The following NRXN3 variants were observed in gnomAD, a reference collection of about 807,000 sequenced individuals.
NRXN3 encodes neurexin III.
In NRXN3, 32 loss-of-function variants were observed where a neutral mutation model predicts 137.6. That is an observed-to-expected ratio of 0.23 (90% CI 0.18 to 0.31). The LOEUF (loss-of-function observed/expected upper bound fraction) is 0.31. NRXN3 is among the 10% of genes least tolerant of loss of function. NRXN3 has a pLI of 1.00. For synonymous variants in NRXN3, 798 were observed against 784.5 expected (o/e 1.02, Z -0.29); for missense variants, 1,574 against 2,062.5 (o/e 0.76, Z 4.59).
chr14:78,602,800 C>G (rs1402683408), intron 4 of NRXN3, among the ~76,000 whole-genome samples: 1 of 152,178 alleles, frequency 6.6e-6, no homozygotes, highest in Non-Finnish European at 1.5e-5. Context: ...TCAGAGATAA[C>G]TTGGGGAAAG....
At chr14:79,321,797 T>C (rs2090072514) in intron 15 of NRXN3, among the ~76,000 whole-genome samples, 1 of 149,258 alleles carries the variant, frequency 6.7e-6, no homozygotes, top group African/African-American at 2.4e-5. Context: ...ACTATATTAA[T>C]ATACTTATAT....
chr14:79,359,853 T>C (rs930090676), intron 15 of NRXN3, among the ~76,000 whole-genome samples: 39 of 151,866 alleles, frequency 2.6e-4, no homozygotes, highest in African/African-American at 6.7e-4. Context: ...TCACCCCCAC[T>C]ATTACTCTGA....
At chr14:78,953,469 C>G (rs1449072043) in intron 10 of NRXN3, among the ~76,000 whole-genome samples, 2 of 152,182 alleles carry the variant, frequency 1.3e-5, no homozygotes, top group African/African-American at 2.4e-5. Context: ...AAAGCCTTAC[C>G]TCAAAGAGAT....
intron 4 of NRXN3, among the ~76,000 whole-genome samples, chr14:78,530,236 T>G (rs1401882274): frequency 2.6e-5 from 4 of 152,170 alleles, no homozygotes; most frequent in East Asian, 1.9e-4. Context: ...AGTCAGCTTA[T>G]TTGGAGATTT....
chr14:78,364,329 T>A (rs1278743528), intron 4 of NRXN3, among the ~76,000 whole-genome samples: 1 of 152,178 alleles, frequency 6.6e-6, no homozygotes. Context: ...TTTTACTGTA[T>A]GCATAGCTGG....
intron 15 of NRXN3, among the ~76,000 whole-genome samples, chr14:79,058,500 T>TA (rs1568142910): frequency 5.7e-4 from 87 of 152,040 alleles, no homozygotes; most frequent in African/African-American, 1.9e-3. Context: ...ATATATATAT[T>TA]TTTAATATTA....
At chr14:78,396,987 C>T (rs2091523021) in intron 4 of NRXN3, among the ~76,000 whole-genome samples, 1 of 152,102 alleles carries the variant, frequency 6.6e-6, no homozygotes, top group South Asian at 2.1e-4. Flanking sequence ...GCTACTAATC[C>T]TATCAAATTA....
chr14:78,869,887 T>C (rs1237227817), intron 10 of NRXN3, among the ~76,000 whole-genome samples: 1 of 152,178 alleles, frequency 6.6e-6, no homozygotes, highest in East Asian at 1.9e-4. Flanking sequence ...GGAGAGAGAA[T>C]GGGCTCAACT....
At chr14:79,200,835 T>C (rs1422824974) in intron 15 of NRXN3, among the ~76,000 whole-genome samples, 16 of 128,416 alleles carry the variant, frequency 1.2e-4, no homozygotes, top group Non-Finnish European at 2.1e-4. Flanking sequence ...TGTATTTTTT[T>C]TTTTTTTTTT....
chr14:79,215,771 A>G (rs8021097), intron 15 of NRXN3, among the ~76,000 whole-genome samples: 34,480 of 152,086 alleles, frequency 0.23, 4,174 homozygotes, highest in East Asian at 0.38. Flanking sequence ...TATCATACAT[A>G]TACATAGGTC....
chr14:79,177,984 G>A (rs995748447), intron 15 of NRXN3, among the ~76,000 whole-genome samples: 4 of 152,118 alleles, frequency 2.6e-5, no homozygotes, highest in Non-Finnish European at 4.4e-5. Flanking sequence ...GTAACTTTTT[G>A]ACCAAAAAAA....
intron 11 of NRXN3, among the ~76,000 whole-genome samples, chr14:78,963,271 T>C (rs2099411681): frequency 6.6e-6 from 1 of 152,208 alleles, no homozygotes; most frequent in African/African-American, 2.4e-5. Flanking sequence ...GTTCTCAACT[T>C]GACTTTAAAA....
chr14:79,506,094 A>G (rs1464176699), intron 16 of NRXN3, among the ~76,000 whole-genome samples: 2 of 152,204 alleles, frequency 1.3e-5, no homozygotes, highest in African/African-American at 2.4e-5. Flanking sequence ...CAGAGACTAA[A>G]TCAAATCTAG....
intron 15 of NRXN3, among the ~76,000 whole-genome samples, chr14:79,466,211 T>G (rs1025143642): frequency 6.6e-6 from 1 of 152,144 alleles, no homozygotes; most frequent in South Asian, 2.1e-4. Context: ...CTTCCTAAGA[T>G]TTAGTTTGAA....
chr14:78,901,022 T>C (rs1287656149), intron 10 of NRXN3, among the ~76,000 whole-genome samples: 2 of 152,030 alleles, frequency 1.3e-5, no homozygotes, highest in Non-Finnish European at 2.9e-5. Flanking sequence ...CCTAGCTCTT[T>C]TCCCTATAAG....
At chr14:79,855,309 G>T (rs1450888839) in intron 20 of NRXN3, among the ~76,000 whole-genome samples, 1 of 152,078 alleles carries the variant, frequency 6.6e-6, no homozygotes, top group Non-Finnish European at 1.5e-5. Context: ...TACTTGTTTT[G>T]CTTTACAGAT....
intron 10 of NRXN3, among the ~76,000 whole-genome samples, chr14:78,858,114 C>T (rs1287917746): frequency 6.6e-6 from 1 of 152,104 alleles, no homozygotes; most frequent in Non-Finnish European, 1.5e-5. Context: ...AGAGTTTACA[C>T]CATGTGTTGC....
At chr14:79,497,136 G>A (rs2096774709) in intron 16 of NRXN3, among the ~76,000 whole-genome samples, 1 of 152,156 alleles carries the variant, frequency 6.6e-6, no homozygotes, top group African/African-American at 2.4e-5. Context: ...GTATTCCAGA[G>A]AAGATTTCAA....
At chr14:78,227,014 G>T (rs2064761556) in intron 1 of NRXN3, among the ~76,000 whole-genome samples, 1 of 152,184 alleles carries the variant, frequency 6.6e-6, no homozygotes, top group African/African-American at 2.4e-5. Flanking sequence ...TATGCCTGTT[G>T]CAACTGATGG....
Sources: allele counts gnomAD v4.1 joint callset (sites outside exome capture counted in the v4.1 genomes callset), GRCh38; gene constraint gnomAD v4.1.1; transcripts MANE v1.5; gene names NCBI Gene and HGNC (gene_info 2026-07-23, HGNC 2026-07-21).